Variants in PTPN14 observed in about 807,000 individuals in gnomAD.
PTPN14 encodes the protein protein tyrosine phosphatase non-receptor type 14.
In PTPN14, 53 loss-of-function variants were observed where a neutral mutation model predicts 126.8. That is an observed-to-expected ratio of 0.42 (90% CI 0.34 to 0.53). The LOEUF (loss-of-function observed/expected upper bound fraction) is 0.53. Ranked by LOEUF, PTPN14 falls within the 20% of genes least tolerant of loss-of-function variation. The pLI, the probability that PTPN14 is intolerant of heterozygous loss-of-function variation, is 0.08. For synonymous variants in PTPN14, 630 were observed against 599.3 expected, an observed-to-expected ratio of 1.05 and a Z score of -0.75; for missense variants, 1,257 against 1,552.9, an observed-to-expected ratio of 0.81 and a Z score of 3.20.
At chr1:214,505,047 G>A (rs1654800183) in intron 1 of PTPN14, among the ~76,000 whole-genome samples, 1 of 152,148 alleles carries the variant, frequency 6.6e-6, no homozygotes, top group African/African-American at 2.4e-5. Context: ...CTCTGTTTAA[G>A]ATACTTGTGG....
intron 2 of PTPN14, among the ~76,000 whole-genome samples, chr1:214,457,983 T>A (rs890514021): frequency 6.6e-6 from 1 of 151,682 alleles, no homozygotes; most frequent in African/African-American, 2.4e-5. Flanking sequence ...CAATATAAGA[T>A]CACAGTTTCA....
chr1:214,406,744 T>C (rs2102573192), intron 5 of PTPN14, among the ~76,000 whole-genome samples: 1 of 152,230 alleles, frequency 6.6e-6, no homozygotes, highest in Middle Eastern at 3.4e-3. Context: ...AGAGGTATGA[T>C]GCACGAAATA....
chr1:214,500,247 C>T (rs962655129), intron 1 of PTPN14, among the ~76,000 whole-genome samples: 13 of 151,930 alleles, frequency 8.6e-5, no homozygotes, highest in East Asian at 1.9e-4. Flanking sequence ...TCAAAGACAC[C>T]GGAAAAATAA....
At chr1:214,489,907 T>C (rs1043546274) in intron 1 of PTPN14, among the ~76,000 whole-genome samples, 1 of 152,244 alleles carries the variant, frequency 6.6e-6, no homozygotes, top group Non-Finnish European at 1.5e-5. Flanking sequence ...GTGTCTCGTC[T>C]ATAAAATAAA....
At chr1:214,493,128 T>C (rs998726297) in intron 1 of PTPN14, among the ~76,000 whole-genome samples, 2 of 152,100 alleles carry the variant, frequency 1.3e-5, no homozygotes, top group Non-Finnish European at 2.9e-5. Context: ...AGGCCCAAAT[T>C]GGGCTGGCTG....
chr1:214,493,247 G>A (rs946711345), intron 1 of PTPN14, among the ~76,000 whole-genome samples: 13 of 152,162 alleles, frequency 8.5e-5, no homozygotes, highest in Admixed American at 3.9e-4. Context: ...TGGCCTGGGC[G>A]ATGTGTTGGA....
At chr1:214,433,397 G>T (rs568476008) in intron 3 of PTPN14, among the ~76,000 whole-genome samples, 2 of 152,102 alleles carry the variant, frequency 1.3e-5, no homozygotes, top group Admixed American at 6.6e-5. Context: ...TGACAGATTT[G>T]CAATTTGTGA....
Position 214,476,039 on chromosome 1 carries a change from C to T in PTPN14, c.-154-11082G>A, listed in dbSNP as rs149261042. On this transcript the variant is annotated intron_variant, in intron 1 of 18. Coordinates refer to ENST00000366956, the MANE Select transcript of PTPN14 (RefSeq NM_005401.5). ...GCAGTTTATCTTTGCTCACCCACAG[C>T]GGACATTACTCAGACATGGTGGAGG... Among the ~76,000 whole-genome samples, 143 of 152,264 alleles carry T rather than the reference C, an allele frequency of 9.4e-4. 1 individual carries two copies. The East Asian group carries it at 0.023, about 25-fold the overall frequency.
intron 3 of PTPN14, among the ~76,000 whole-genome samples, chr1:214,442,100 A>AAT (rs371575510): frequency 1.0e-3 from 156 of 152,362 alleles, no homozygotes; most frequent in African/African-American, 3.6e-3. Context: ...AAAAGTTCCA[A>AAT]ATAGACCAAA....
Position 214,500,422 on chromosome 1 carries a change from ACT to A in PTPN14, c.-154-35467_-154-35466del, listed in dbSNP as rs774070311. 9.2e-5 allele frequency among the ~76,000 whole-genome samples: 14 copies of A among 152,172 alleles called. No homozygotes were observed. In the South Asian group the frequency reaches 2.9e-3, roughly 32 times the overall value. On this transcript the variant is annotated intron_variant, in intron 1 of 18. Coordinates refer to ENST00000366956, the MANE Select transcript of PTPN14 (RefSeq NM_005401.5). ...AGATTTTCCTAGTTCTTTGGATTCA[ACT>A]CTCTACTTGAGAGGCTTCTTATAAT...
intron 4 of PTPN14, among the ~76,000 whole-genome samples, chr1:214,413,666 T>A (rs546138917): frequency 6.6e-6 from 1 of 152,300 alleles, no homozygotes; most frequent in South Asian, 2.1e-4. Context: ...TTTAAAAAAA[T>A]GTTTTTAATT....
At chr1:214,423,483 C>G (rs904179479) in intron 3 of PTPN14, among the ~76,000 whole-genome samples, 1 of 152,126 alleles carries the variant, frequency 6.6e-6, no homozygotes, top group Non-Finnish European at 1.5e-5. Context: ...AACCATGAGC[C>G]CACTTTCCAA....
intron 2 of PTPN14, among the ~76,000 whole-genome samples, chr1:214,454,520 C>A (rs997323222): frequency 2.6e-5 from 4 of 152,214 alleles, no homozygotes; most frequent in African/African-American, 9.6e-5. Flanking sequence ...TATATACACA[C>A]GAACATGTAT....
intron 3 of PTPN14, among the ~76,000 whole-genome samples, chr1:214,441,608 A>C (rs1369255047): frequency 6.6e-6 from 1 of 152,200 alleles, no homozygotes; most frequent in Non-Finnish European, 1.5e-5. Flanking sequence ...TTTGAAATTG[A>C]CACACCATTC....
chr1:214,452,299 T>C (rs1188501559), intron 2 of PTPN14, among the ~76,000 whole-genome samples: 1 of 152,212 alleles, frequency 6.6e-6, no homozygotes, highest in African/African-American at 2.4e-5. Flanking sequence ...AGACTGCCTT[T>C]TCTGTGTGCC....
chr1:214,463,280 ATG>A (rs948389361), intron 2 of PTPN14, among the ~76,000 whole-genome samples: 1 of 151,570 alleles, frequency 6.6e-6, no homozygotes, highest in Non-Finnish European at 1.5e-5. Context: ...ATACATGCAA[ATG>A]TGTGTTTAAA....
chr1:214,468,311 T>G (rs1558116783), intron 1 of PTPN14, among the ~76,000 whole-genome samples: 1 of 152,102 alleles, frequency 6.6e-6, no homozygotes, highest in Non-Finnish European at 1.5e-5. Flanking sequence ...ATCCTAGCAC[T>G]TTGGGAGGCC....
chr1:214,437,374 T>C (rs979108896), intron 3 of PTPN14, among the ~76,000 whole-genome samples: 4 of 152,100 alleles, frequency 2.6e-5, no homozygotes, highest in Non-Finnish European at 5.9e-5. Flanking sequence ...GGTTTTAGGG[T>C]CCTAGAGTAG....
intron 1 of PTPN14, among the ~76,000 whole-genome samples, chr1:214,517,632 A>T (rs4414018): frequency 0.26 from 39,184 of 151,988 alleles, 5,896 homozygotes; most frequent in East Asian, 0.52. Flanking sequence ...AAAATATAAC[A>T]GGAGGCAGGA....
Sources: allele counts gnomAD v4.1 joint callset (sites outside exome capture counted in the v4.1 genomes callset), GRCh38; gene constraint gnomAD v4.1.1; transcripts MANE v1.5; gene names NCBI Gene and HGNC (gene_info 2026-07-23, HGNC 2026-07-21).